Variants in NTRK1 observed in about 807,000 individuals in gnomAD.
NTRK1 encodes the protein high affinity nerve growth factor receptor.
A neutral mutation model predicts 86.8 loss-of-function variants in NTRK1; 62 were observed. The observed-to-expected ratio is 0.71, with a 90% CI of 0.58 to 0.88. The LOEUF is 0.88. NTRK1 is among the 40% of genes least tolerant of loss of function. NTRK1 has a pLI of 0.00. For missense variants in NTRK1, 967 were observed against 1,078.4 expected (o/e 0.90, Z 1.45); for synonymous variants, 469 against 456.6 (o/e 1.03, Z -0.35).
chr1:156,859,965 G>A (rs916202893), upstream of NTRK1, among the ~76,000 whole-genome samples: 6 of 152,354 alleles, frequency 3.9e-5, no homozygotes, highest in Admixed American at 1.3e-4. The surrounding 1 kb of genome is among the most constrained non-coding windows in gnomAD (Gnocchi z 6.2). Flanking sequence ...GGCTTTCCAG[G>A]TGCTCGGCCT....
At chr1:156,817,047 T>TTCTCTATCTCTCTCTCTCTCTC (rs1553256343) in intron 1 of NTRK1, among the ~76,000 whole-genome samples, 1 of 113,782 alleles carries the variant, frequency 8.8e-6, no homozygotes, top group African/African-American at 3.2e-5. Flanking sequence ...GAACTTCCCT[T>TTCTCTATCTCTCTCTCTCTCTC]TCTCTCTCTC....
Position 156,828,859 on chromosome 1 carries a change from A to C in NTRK1, c.-64+13021A>C, listed in dbSNP as rs79702108. On this transcript the variant is annotated intron_variant, in intron 1 of 16. Coordinates refer to the NTRK1 transcript ENST00000392302. ...GTACGTAGGAAATGACCAGTGACTC[A>C]GTGCATTGCTTTGTCAACTGTAAAA... Among the ~76,000 whole-genome samples, 152 of 152,368 alleles carry C rather than the reference A, an allele frequency of 1.0e-3. 4 individuals are homozygous for C. The East Asian group carries it at 0.021, about 21-fold the overall frequency.
intron 11 of NTRK1, 56 bp from the exon 12 acceptor site, chr1:156,875,464 G>A (rs1571698309): frequency 6.2e-7 from 1 of 1,610,652 alleles, no homozygotes; most frequent in East Asian, 2.2e-5. Flanking sequence ...GCAGGCAAGG[G>A]TGGGCAGGGC....
At chr1:156,878,034 C>T (rs1404188871) in intron 14 of NTRK1, among the ~76,000 whole-genome samples, 4 of 152,186 alleles carry the variant, frequency 2.6e-5, no homozygotes, top group African/African-American at 9.7e-5. Flanking sequence ...TAGGGAGATA[C>T]CAGCATCTGG....
chr1:156,843,232 C>T (rs533493641), intron 2 of NTRK1: 1 of 1,613,916 alleles, frequency 6.2e-7, no homozygotes, highest in Non-Finnish European at 8.5e-7. Flanking sequence ...CAGGGACATA[C>T]ACTGCAAGGA....
intron 1 of NTRK1, among the ~76,000 whole-genome samples, chr1:156,823,713 C>G (rs189599887): frequency 6.6e-6 from 1 of 152,156 alleles, no homozygotes; most frequent in African/African-American, 2.4e-5. Context: ...GCAAGTTTGG[C>G]GCTTGGCTGT....
chr1:156,866,232 C>T (rs564466653), intron 3 of NTRK1, among the ~76,000 whole-genome samples: 1 of 152,310 alleles, frequency 6.6e-6, no homozygotes, highest in South Asian at 2.1e-4. Context: ...AGGATAGGCC[C>T]CTCAGAGGCA....
At chr1:156,845,533 A>AAAACCCCCCCCCC in intron 2 of NTRK1, 1 of 728,024 alleles carries the variant, frequency 1.4e-6, no homozygotes, top group Non-Finnish European at 1.9e-6. Context: ...GCAAGGCCCC[A>AAAACCCCCCCCCC]CCCACAAACC....
intron 6 of NTRK1, among the ~76,000 whole-genome samples, chr1:156,868,921 T>C (rs1464694821): frequency 1.3e-5 from 2 of 152,078 alleles, no homozygotes; most frequent in East Asian, 3.9e-4. Context: ...TCTGGGAACA[T>C]GGTGTTGGCT....
In NTRK1 at chr1:156,849,746, AGCACCT is replaced by A. The variant is rs143167807; in HGVS notation, c.50+7556_50+7561del. Reference sequence around the variant, plus strand: ...CCTTCCCTCGACTCTCTTTGAACTGAGCACCTGCTATGTGCCAGACTCTGGAGGCTT... The same window carrying A: ...CCTTCCCTCGACTCTCTTTGAACTGAGCTATGTGCCAGACTCTGGAGGCTT... On this transcript the variant is annotated intron_variant, in intron 2 of 16. Transcript: ENST00000392302. Among the ~76,000 whole-genome samples the A allele has an allele frequency of 7.0e-3, 1,064 of 151,928 alleles. 9 individuals are homozygous for A. The highest frequency in any genetic ancestry group is 0.011 in the Non-Finnish European group (755 of 67,950).
chr1:156,849,570 G>A (rs1655133205), intron 2 of NTRK1: 3 of 742,300 alleles, frequency 4.0e-6, no homozygotes, highest in South Asian at 3.4e-5. Context: ...CGGGGAGAGG[G>A]GCACTCAGTG....
At chr1:156,864,670 G>A (rs1013219353) in intron 2 of NTRK1, 58 bp from the exon 3 acceptor site, 3 of 1,583,476 alleles carry the variant, frequency 1.9e-6, no homozygotes, top group African/African-American at 2.7e-5. Context: ...GGGCAGGGAG[G>A]GCCAGGGGCC....
intron 1 of NTRK1, among the ~76,000 whole-genome samples, chr1:156,816,405 G>T (rs1653936927): frequency 2.0e-5 from 3 of 152,282 alleles, no homozygotes; most frequent in African/African-American, 4.8e-5. Flanking sequence ...TCTGGTCCAG[G>T]ATCTTCTGCC....
chr1:156,844,499 A>G, intron 2 of NTRK1: 3 of 1,614,168 alleles, frequency 1.9e-6, no homozygotes, highest in Non-Finnish European at 2.5e-6. Context: ...TGTCTGTCCA[A>G]GAGCCATTGC....
chr1:156,854,205 T>C lies in NTRK1; in HGVS notation c.51-10149T>C. On this transcript the variant is annotated intron_variant, in intron 2 of 16. Coordinates refer to the NTRK1 transcript ENST00000392302. This position sits in a 1 kb window ranked among gnomAD's most constrained non-coding sequence, Gnocchi z 4.2. ...CCGCGGAAGTCCTCCCCGGTGGCTG[T>C]GAACATGAGCAGGATCTGCAGGTGG... 2 of 1,614,058 alleles carry C rather than the reference T, an allele frequency of 1.2e-6. No individual in the cohort carries two copies. Among genetic ancestry groups the C allele is most frequent in the Non-Finnish European group, 1.7e-6 (2 of 1,180,018 alleles).
chr1:156,842,406 C>G, intron 2 of NTRK1: 1 of 1,614,022 alleles, frequency 6.2e-7, no homozygotes, highest in Non-Finnish European at 8.5e-7. Context: ...ACCTCTGCCT[C>G]AGGCCGCAAA....
intron 3 of NTRK1, among the ~76,000 whole-genome samples, chr1:156,866,513 C>A (rs564372753): frequency 6.6e-6 from 1 of 152,264 alleles, no homozygotes; most frequent in South Asian, 2.1e-4. Context: ...CTCAACCCTC[C>A]CCCTCTTCCT....
chr1:156,831,783 A>G (rs1269339103), intron 1 of NTRK1, among the ~76,000 whole-genome samples: 1 of 152,198 alleles, frequency 6.6e-6, no homozygotes, highest in Non-Finnish European at 1.5e-5. Context: ...GTTAGAGGGA[A>G]TTGAGGATCT....
chr1:156,841,652 A>C (rs374122291), intron 1 of NTRK1: 6 of 1,613,056 alleles, frequency 3.7e-6, no homozygotes, highest in African/African-American at 1.3e-5. Context: ...CCTGTGCTCC[A>C]GCTCGGCCCC....
Sources: gnomAD v4.1 joint callset for allele counts (sites outside exome capture counted in the v4.1 genomes callset) on GRCh38, gnomAD v4.1.1 for gene constraint, Gnocchi (gnomAD v3.1) non-coding constraint, MANE v1.5 for transcripts, NCBI Gene and HGNC (gene_info 2026-07-23, HGNC 2026-07-21) for gene names.